The following ADCY2 variants were observed in gnomAD, a reference collection of about 807,000 sequenced individuals.
ADCY2 encodes the protein adenylate cyclase 2, also known as adenylate cyclase type 2.
In ADCY2, 31 loss-of-function variants were observed where a neutral mutation model predicts 125.2. That is an observed-to-expected ratio of 0.25 (90% CI 0.19 to 0.33). The LOEUF (loss-of-function observed/expected upper bound fraction) is 0.33, where lower values mean the gene tolerates loss of function less well. Ranked by LOEUF, ADCY2 falls within the 10% of genes least tolerant of loss-of-function variation. ADCY2 has a pLI of 1.00. For synonymous variants in ADCY2, 512 were observed against 548.4 expected (o/e 0.93, Z 0.93); for missense variants, 904 against 1,418.2 (o/e 0.64, Z 5.82).
intron 2 of ADCY2, among the ~76,000 whole-genome samples, chr5:7,476,068 G>A (rs1028414236): frequency 9.9e-5 from 15 of 152,108 alleles, no homozygotes; most frequent in Non-Finnish European, 1.5e-5. Context: ...GAAATACCGC[G>A]TCTTCCTGTG....
At chr5:7,453,209 C>T (rs1241911390) in intron 2 of ADCY2, among the ~76,000 whole-genome samples, 2 of 152,110 alleles carry the variant, frequency 1.3e-5, no homozygotes, top group East Asian at 3.8e-4. Flanking sequence ...TCTGGGTTAT[C>T]TTCCAGAATT....
chr5:7,677,024 C>T (rs1740149424), intron 4 of ADCY2, among the ~76,000 whole-genome samples: 1 of 152,104 alleles, frequency 6.6e-6, no homozygotes, highest in Non-Finnish European at 1.5e-5. Context: ...CACCTGTAAT[C>T]CCTGCGCTTT....
intron 4 of ADCY2, among the ~76,000 whole-genome samples, chr5:7,689,259 A>G (rs1740627441): frequency 6.6e-6 from 1 of 152,206 alleles, no homozygotes; most frequent in African/African-American, 2.4e-5. Flanking sequence ...GAGGAAGCTT[A>G]ATGCCTGACT....
intron 24 of ADCY2, among the ~76,000 whole-genome samples, chr5:7,821,122 G>T (rs190197840): frequency 7.9e-5 from 12 of 152,248 alleles, no homozygotes; most frequent in African/African-American, 2.4e-4. Context: ...GCTTCGGAGA[G>T]GTGGGAGATG....
At chr5:7,562,895 G>A (rs2126590192) in intron 3 of ADCY2, among the ~76,000 whole-genome samples, 1 of 152,066 alleles carries the variant, frequency 6.6e-6, no homozygotes, top group East Asian at 1.9e-4. Flanking sequence ...GGCAATATTA[G>A]GTTCTCATTT....
chr5:7,494,067 A>G (rs564323072), intron 2 of ADCY2, among the ~76,000 whole-genome samples: 1 of 152,196 alleles, frequency 6.6e-6, no homozygotes, highest in African/African-American at 2.4e-5. Context: ...TCAGCAGTCA[A>G]ATATGTGCAG....
chr5:7,487,360 A>G (rs1742974712), intron 2 of ADCY2, among the ~76,000 whole-genome samples: 1 of 152,062 alleles, frequency 6.6e-6, no homozygotes, highest in East Asian at 1.9e-4. Context: ...GAAGGTCCAC[A>G]TTCCTCTCCC....
At chr5:7,397,460 T>G (rs975104476) in intron 1 of ADCY2, among the ~76,000 whole-genome samples, 4 of 148,936 alleles carry the variant, frequency 2.7e-5, no homozygotes, top group South Asian at 2.2e-4. Flanking sequence ...TTTTTTTTTT[T>G]TTTTTTTTTT....
chr5:7,777,457 T>C (rs551615651), intron 18 of ADCY2, among the ~76,000 whole-genome samples: 1 of 152,336 alleles, frequency 6.6e-6, no homozygotes, highest in East Asian at 1.9e-4. Context: ...GACACCAGCT[T>C]CCTGAAATCT....
chr5:7,552,032 C>A (rs1361196638), intron 3 of ADCY2, among the ~76,000 whole-genome samples: 3 of 152,042 alleles, frequency 2.0e-5, no homozygotes, highest in Non-Finnish European at 2.9e-5. Flanking sequence ...CAGAGTTGTG[C>A]CATTTAATTA....
intron 2 of ADCY2, among the ~76,000 whole-genome samples, chr5:7,482,086 C>T (rs1301623725): frequency 6.6e-6 from 1 of 152,098 alleles, no homozygotes; most frequent in African/African-American, 2.4e-5. Flanking sequence ...CCTCCTGACT[C>T]AGAAATGGTA....
At chr5:7,732,352 G>A (rs1217099678) in intron 14 of ADCY2, among the ~76,000 whole-genome samples, 1 of 152,172 alleles carries the variant, frequency 6.6e-6, no homozygotes, top group East Asian at 1.9e-4. Flanking sequence ...GCCCTTCAGG[G>A]CCCCTGACTT....
At chr5:7,453,808 T>C (rs1373330445) in intron 2 of ADCY2, among the ~76,000 whole-genome samples, 1 of 151,926 alleles carries the variant, frequency 6.6e-6, no homozygotes, top group Non-Finnish European at 1.5e-5. Context: ...ATGCAGAGTG[T>C]GTTTACCGGA....
intron 4 of ADCY2, among the ~76,000 whole-genome samples, chr5:7,638,410 AG>A (rs1196012945): frequency 2.6e-5 from 4 of 152,174 alleles, no homozygotes; most frequent in African/African-American, 9.7e-5. Context: ...CCCTTGGACA[AG>A]GTTTACTTAG....
intron 2 of ADCY2, among the ~76,000 whole-genome samples, chr5:7,485,876 A>C (rs1742907087): frequency 1.3e-5 from 2 of 152,206 alleles, no homozygotes; most frequent in Admixed American, 1.3e-4. Context: ...AAATATCCAG[A>C]TAATAAAAGG....
At chr5:7,777,963 G>A (rs1743794674) in intron 18 of ADCY2, among the ~76,000 whole-genome samples, 1 of 152,122 alleles carries the variant, frequency 6.6e-6, no homozygotes, top group Admixed American at 6.5e-5. Flanking sequence ...CGGATAAGTC[G>A]CCTCCTGCTG....
chr5:7,744,152 A>G (rs995830349), intron 15 of ADCY2, among the ~76,000 whole-genome samples: 6 of 152,150 alleles, frequency 3.9e-5, no homozygotes, highest in African/African-American at 1.4e-4. Flanking sequence ...GTCCTCACTC[A>G]TAAGTGGGAG....
intron 2 of ADCY2, among the ~76,000 whole-genome samples, chr5:7,447,039 C>T (rs780902063): frequency 5.9e-5 from 9 of 152,128 alleles, no homozygotes; most frequent in Admixed American, 2.6e-4. Flanking sequence ...CTGCAGGTGA[C>T]GCATGTGTTT....
At chr5:7,526,995 C>T (rs991170589) in intron 3 of ADCY2, among the ~76,000 whole-genome samples, 1 of 152,138 alleles carries the variant, frequency 6.6e-6, no homozygotes, top group African/African-American at 2.4e-5. Flanking sequence ...AAAAATTTTA[C>T]TTATATCATA....
Sources: gnomAD v4.1 joint callset for allele counts (sites outside exome capture counted in the v4.1 genomes callset) on GRCh38, gnomAD v4.1.1 for gene constraint, MANE v1.5 for transcripts, NCBI Gene and HGNC (gene_info 2026-07-23, HGNC 2026-07-21) for gene names.